TRAF3IP3: variants seen among roughly 807,000 people sequenced by gnomAD.
TRAF3IP3 encodes TRAF3 interacting protein 3.
A neutral mutation model predicts 86.5 loss-of-function variants in TRAF3IP3; 64 were observed. The ratio of observed to expected loss-of-function variants is 0.74; its 90% CI spans 0.60 to 0.91. The LOEUF is 0.91. Among genes scored for constraint, TRAF3IP3 ranks in the 40% least tolerant of loss-of-function variants. The pLI, the probability that TRAF3IP3 is intolerant of heterozygous loss-of-function variation, is 0.00. For missense variants in TRAF3IP3, 579 were observed against 642.9 expected (o/e 0.90, Z 1.07); for synonymous variants, 220 against 243.9 (o/e 0.90, Z 0.91).
At chr1:209,770,612 G>T (rs1473439240) in intron 8 of TRAF3IP3, among the ~76,000 whole-genome samples, 1 of 146,132 alleles carries the variant, frequency 6.8e-6, no homozygotes, top group East Asian at 2.2e-4. Flanking sequence ...GGAGGTGTGT[G>T]TGCAGCTGGA....
chr1:209,760,242 G>A lies in TRAF3IP3; in HGVS notation c.203G>A (p.Arg68Lys), dbSNP rs1440566422. The A allele has an allele frequency of 6.2e-7, 1 of 1,614,268 alleles. No homozygotes were observed. The highest frequency in any genetic ancestry group is 8.5e-7 in the Non-Finnish European group (1 of 1,180,052). Reference sequence around the variant, plus strand: ...GCTCGACTGCAGCAGTTCTTCAGGAGGAGGAACCTGGAGCTAGAGGAGAAG... The same window carrying A: ...GCTCGACTGCAGCAGTTCTTCAGGAAGAGGAACCTGGAGCTAGAGGAGAAG... ...QRARLQQFFR[R>K]RNLELEEKGK... is the part of the protein sequence containing the mutation. Residue 68 changes from arginine (R) to lysine (K), a missense_variant, in exon 3 of 17, where the codon AGG becomes AAG. Arg to Lys is a conservative substitution (Grantham distance 26). Transcript: ENST00000367025.
intron 6 of TRAF3IP3, 126 bp downstream of exon 6, chr1:209,763,218 G>A: frequency 1.5e-6 from 2 of 1,376,906 alleles, no homozygotes; most frequent in Non-Finnish European, 2.1e-6. Context: ...GGGGTACTGA[G>A]CATAGACATG....
chr1:209,760,766 C>T (rs2077232132), intron 3 of TRAF3IP3, among the ~76,000 whole-genome samples: 1 of 151,992 alleles, frequency 6.6e-6, no homozygotes, highest in African/African-American at 2.4e-5. Flanking sequence ...GACCCTGTCT[C>T]TATCAAAAAC....
At chr1:209,766,796 G>A (rs990987308) in intron 8 of TRAF3IP3, among the ~76,000 whole-genome samples, 1 of 152,222 alleles carries the variant, frequency 6.6e-6, no homozygotes, top group Non-Finnish European at 1.5e-5. Context: ...CCCAGGAGGT[G>A]GAGGTTGCAG....
At chr1:209,772,144 C>CA (rs1269730941) in intron 8 of TRAF3IP3, among the ~76,000 whole-genome samples, 3 of 151,938 alleles carry the variant, frequency 2.0e-5, no homozygotes, top group Non-Finnish European at 4.4e-5. Context: ...GCTGCTATGA[C>CA]AAAGTACCAC....
chr1:209,768,066 T>C (rs1364479321), intron 8 of TRAF3IP3: 4 of 879,314 alleles, frequency 4.5e-6, no homozygotes, highest in Non-Finnish European at 5.5e-6. Flanking sequence ...TCCCCTAAAA[T>C]AAGGTAATTC....
At chr1:209,758,536 T>C (rs112619969) in intron 1 of TRAF3IP3, 1 of 152,204 alleles carries the variant, frequency 6.6e-6, no homozygotes, top group Admixed American at 6.5e-5. Context: ...GAAGTCCCAG[T>C]AAAGGGGCAG....
chr1:209,781,375 C>G lies in TRAF3IP3; in HGVS notation c.1480C>G (p.Leu494Val), dbSNP rs1212681386. Residue 494 changes from leucine (L) to valine (V), a missense_variant, in exon 16 of 17, where the codon CTC becomes GTC. Coordinates refer to ENST00000367025, the MANE Select transcript of TRAF3IP3 (RefSeq NM_025228.4). ...AGAACTGCATTCAGAATTAGACAAC[C>G]TCAGTGACGAGTATCTCTCCTGCCT... ...CRELHSELDN[L>V]SDEYLSCLRK... 6.2e-7 allele frequency: 1 copy of G among 1,613,424 alleles called. No individual in the cohort carries two copies. The highest frequency in any genetic ancestry group is 1.7e-5 in the Admixed American group (1 of 60,002).
chr1:209,763,183 G>T, intron 6 of TRAF3IP3, 91 bp downstream of exon 6: 2 of 1,476,134 alleles, frequency 1.4e-6, no homozygotes, highest in South Asian at 2.3e-5. Context: ...TGGGATGGAG[G>T]GGCATCTTCT....
intron 12 of TRAF3IP3, 65 bp downstream of exon 12, chr1:209,777,552 A>C: frequency 6.7e-7 from 1 of 1,489,668 alleles, no homozygotes. Context: ...AGAAAAAAGA[A>C]ACTGAATTAA....
At chr1:209,781,092 G>A (rs981825105) in intron 15 of TRAF3IP3, 5 of 239,890 alleles carry the variant, frequency 2.1e-5, no homozygotes, top group East Asian at 1.0e-4. Context: ...GCACTTGCAC[G>A]TAAAGTCATA....
chr1:209,779,030 T>G (rs997396041), intron 13 of TRAF3IP3: 4 of 470,746 alleles, frequency 8.5e-6, no homozygotes, highest in African/African-American at 3.9e-5. Context: ...AACATATCTG[T>G]GTCCATATTT....
At chr1:209,781,854 A>G (rs886610486) in intron 16 of TRAF3IP3, 10 of 578,574 alleles carry the variant, frequency 1.7e-5, no homozygotes, top group African/African-American at 1.7e-4. Flanking sequence ...CCTGATGGAT[A>G]CGGCTCCCTG....
chr1:209,780,391 C>A (rs2077750202), intron 14 of TRAF3IP3, 79 bp from the exon 15 acceptor site: 3 of 1,356,988 alleles, frequency 2.2e-6, no homozygotes, highest in Non-Finnish European at 2.9e-6. Context: ...CCTCTCCCCA[C>A]TCCTAGTGGT....
At chr1:209,782,009 C>G (rs1350901204) in intron 16 of TRAF3IP3, 47 bp from the exon 17 acceptor site, 2 of 1,491,912 alleles carry the variant, frequency 1.3e-6, no homozygotes, top group Non-Finnish European at 1.9e-6. Flanking sequence ...TATATCTTTT[C>G]CAATCCACTC....
intron 15 of TRAF3IP3, 49 bp downstream of exon 15, chr1:209,780,655 G>T: frequency 6.9e-7 from 1 of 1,456,698 alleles, no homozygotes; most frequent in Non-Finnish European, 9.2e-7. Context: ...AAATAGCAGA[G>T]AAACCTGGGA....
chr1:209,768,109 C>A, intron 8 of TRAF3IP3: 1 of 983,556 alleles, frequency 1.0e-6, no homozygotes, highest in Non-Finnish European at 1.2e-6. Context: ...AGCCTCAACT[C>A]CAATAAAAGT....
intron 13 of TRAF3IP3, 26 bp from the exon 14 acceptor site, chr1:209,779,289 G>GGAAA: frequency 1.9e-6 from 3 of 1,609,010 alleles, no homozygotes; most frequent in Non-Finnish European, 2.6e-6. Context: ...TGCTAGCATA[G>GGAAA]ACAAGTTCCT....
At chr1:209,773,875 A>G (rs2077597470) in intron 9 of TRAF3IP3, among the ~76,000 whole-genome samples, 1 of 152,248 alleles carries the variant, frequency 6.6e-6, no homozygotes, top group African/African-American at 2.4e-5. Context: ...ACACATAACC[A>G]GTGCCCAGCA....
Sources: allele counts gnomAD v4.1 joint callset (sites outside exome capture counted in the v4.1 genomes callset), GRCh38; gene constraint gnomAD v4.1.1; transcripts MANE v1.5; gene names NCBI Gene and HGNC (gene_info 2026-07-23, HGNC 2026-07-21).